The following LGSN variants were observed in gnomAD, a reference collection of about 807,000 sequenced individuals.
LGSN encodes lengsin.
Under a neutral mutation model 19.5 loss-of-function variants are expected in LGSN, and 21 were observed. The observed-to-expected ratio is 1.07, with a 90% CI of 0.76 to 1.55. LGSN has a LOEUF of 1.55. Among genes scored for constraint, LGSN ranks in the 40% most tolerant of loss-of-function variants. The probability of loss-of-function intolerance (pLI) is 0.00; values close to 1 mark genes in which losing one functional copy is unlikely to be tolerated. For missense variants in LGSN, 673 were observed against 608.5 expected (o/e 1.11, Z -1.12); for synonymous variants, 257 against 215.6 (o/e 1.19, Z -1.68).
At chr6:63,294,850 G>C in intron 2 of LGSN, 63 bp downstream of exon 2, 1 of 1,527,224 alleles carries the variant, frequency 6.5e-7, no homozygotes, top group Non-Finnish European at 9.0e-7. Flanking sequence ...TTTATGAAAA[G>C]AAAGACCAAA....
At chr6:63,331,912 G>A in the LGSN span, among the ~76,000 whole-genome samples, 10 of 152,098 alleles carry the variant, frequency 6.6e-5, no homozygotes, top group African/African-American at 2.2e-4. Context: ...GCATTCTCCT[G>A]TTAGTATTGG....
At chr6:63,439,830 T>C in the LGSN span, among the ~76,000 whole-genome samples, 1 of 152,230 alleles carries the variant, frequency 6.6e-6, no homozygotes, top group African/African-American at 2.4e-5. Context: ...AATTCAGATA[T>C]CGAACCTTCT....
At chr6:63,419,176 G>A in the LGSN span, among the ~76,000 whole-genome samples, 1 of 152,142 alleles carries the variant, frequency 6.6e-6, no homozygotes, top group African/African-American at 2.4e-5. Context: ...GAGGTTCCTA[G>A]CCAGTCAACC....
At chr6:63,384,536 T>TGTGTGC in the LGSN span, among the ~76,000 whole-genome samples, 1 of 147,456 alleles carries the variant, frequency 6.8e-6, no homozygotes, top group Non-Finnish European at 1.5e-5. Context: ...TGTGTGTGTG[T>TGTGTGC]GATGGAGTTT....
the LGSN span, among the ~76,000 whole-genome samples, chr6:63,545,014 C>A: frequency 6.6e-6 from 1 of 152,140 alleles, no homozygotes; most frequent in East Asian, 1.9e-4. Flanking sequence ...CAAATTATTA[C>A]CATGATAATT....
chr6:63,551,237 T>A, the LGSN span, among the ~76,000 whole-genome samples: 1 of 151,936 alleles, frequency 6.6e-6, no homozygotes, highest in African/African-American at 2.4e-5. Flanking sequence ...GGCTAGTTTT[T>A]GTATTTTTAG....
chr6:63,441,698 G>T, the LGSN span: 1 of 456,108 alleles, frequency 2.2e-6, no homozygotes, highest in South Asian at 1.8e-5. Flanking sequence ...AGCCAAGCGG[G>T]AGCAGATCAT....
chr6:63,361,824 T>A, the LGSN span, among the ~76,000 whole-genome samples: 1 of 152,172 alleles, frequency 6.6e-6, no homozygotes, highest in South Asian at 2.1e-4. Context: ...GATTTTTAAC[T>A]TTGAACAACT....
At chr6:63,347,099 A>T in the LGSN span, among the ~76,000 whole-genome samples, 1 of 152,160 alleles carries the variant, frequency 6.6e-6, no homozygotes, top group Admixed American at 6.5e-5. Flanking sequence ...GCTCTGTGCC[A>T]CCAGAGACAC....
At chr6:63,307,931 T>C (rs1477874784) in intron 1 of LGSN, among the ~76,000 whole-genome samples, 2 of 152,182 alleles carry the variant, frequency 1.3e-5, no homozygotes. Flanking sequence ...AGTGGGGCAG[T>C]GTGATCCAAA....
the LGSN span, among the ~76,000 whole-genome samples, chr6:63,363,236 G>T: frequency 5.7e-4 from 87 of 152,316 alleles, no homozygotes; most frequent in African/African-American, 2.1e-3. Flanking sequence ...AAACCACAAA[G>T]ATGGAGAGAA....
the LGSN span, among the ~76,000 whole-genome samples, chr6:63,425,567 G>GA: frequency 2.0e-5 from 3 of 152,132 alleles, no homozygotes; most frequent in African/African-American, 4.8e-5. Context: ...TTCTTGAAAT[G>GA]AAAAAACTAT....
chr6:63,362,812 C>T, the LGSN span, among the ~76,000 whole-genome samples: 1 of 152,240 alleles, frequency 6.6e-6, no homozygotes, highest in African/African-American at 2.4e-5. Context: ...ATTCTGCAAA[C>T]TTAAACATCC....
the LGSN span, among the ~76,000 whole-genome samples, chr6:63,386,312 G>A: frequency 6.6e-6 from 1 of 152,170 alleles, no homozygotes; most frequent in Non-Finnish European, 1.5e-5. Flanking sequence ...TTTACTTTCT[G>A]TAGCTCAGCT....
the LGSN span, among the ~76,000 whole-genome samples, chr6:63,505,633 G>GAAAGAAAT: frequency 8.5e-3 from 827 of 97,192 alleles, 95 homozygotes; most frequent in African/African-American, 0.014. Context: ...AAGAAAGAAA[G>GAAAGAAAT]AAATTCTGGC....
chr6:63,393,494 T>C, the LGSN span, among the ~76,000 whole-genome samples: 2 of 152,236 alleles, frequency 1.3e-5, no homozygotes, highest in South Asian at 4.2e-4. Context: ...TCCCTTCTTC[T>C]GTACAGTAAG....
Position 63,306,181 on chromosome 6 carries a change from G to A in LGSN, c.31-11136C>T, listed in dbSNP as rs142586477. On this transcript the variant is annotated intron_variant, in intron 1 of 3. Coordinates refer to ENST00000370657, the MANE Select transcript of LGSN (RefSeq NM_016571.3). ...TCATCTAATACCCACAACATACAGG[G>A]AATATTTATTATCACCTACATTTTT... Among the ~76,000 whole-genome samples the A allele has an allele frequency of 5.4e-3, 815 of 152,198 alleles. 5 individuals carry two copies. Among genetic ancestry groups the A allele is most frequent in the Non-Finnish European group, 5.7e-3 (389 of 68,030 alleles).
chr6:63,330,468 G>A, the LGSN span, among the ~76,000 whole-genome samples: 12 of 152,120 alleles, frequency 7.9e-5, no homozygotes, highest in African/African-American at 1.9e-4. Flanking sequence ...TGATATCTGC[G>A]GCTGATTAGG....
At chr6:63,494,851 G>A in the LGSN span, among the ~76,000 whole-genome samples, 4 of 152,098 alleles carry the variant, frequency 2.6e-5, no homozygotes, top group South Asian at 6.2e-4. Context: ...AATACTTGAC[G>A]TTCCACTAAA....
Sources: gnomAD v4.1 joint callset for allele counts (sites outside exome capture counted in the v4.1 genomes callset) on GRCh38, gnomAD v4.1.1 for gene constraint, MANE v1.5 for transcripts, NCBI Gene and HGNC (gene_info 2026-07-23, HGNC 2026-07-21) for gene names.